The following CTNNAL1 variants were observed in gnomAD, a reference collection of about 807,000 sequenced individuals.
CTNNAL1 encodes the protein alpha-catulin.
Under a neutral mutation model 93.6 loss-of-function variants are expected in CTNNAL1, and 69 were observed. The ratio of observed to expected loss-of-function variants is 0.74; its 90% confidence interval spans 0.61 to 0.90. CTNNAL1 has a LOEUF of 0.90. CTNNAL1 is among the 40% of genes least tolerant of loss of function. The pLI is 0.00. For missense variants in CTNNAL1, 836 were observed against 862.0 expected (o/e 0.97, Z 0.38); for synonymous variants, 286 against 305.4 (o/e 0.94, Z 0.66).
chr9:108,987,748 C>T (rs1226175897), intron 4 of CTNNAL1, among the ~76,000 whole-genome samples: 1 of 152,148 alleles, frequency 6.6e-6, no homozygotes, highest in African/African-American at 2.4e-5. Flanking sequence ...CCTTCACGTC[C>T]CTTGTAGTTG....
In CTNNAL1 at chr9:108,942,815, C is replaced by T. The variant is rs1181333001; in HGVS notation, c.2159G>A (p.Gly720Glu). 6.2e-7 allele frequency: 1 copy of T among 1,613,596 alleles called. No individual in the cohort carries two copies. Among genetic ancestry groups the T allele is most frequent in the Admixed American group, 1.7e-5 (1 of 59,978 alleles). ...LLKKLQMENN[G>E]WVSVTNKDTM... is the part of the protein sequence containing the mutation. ...GTCCTTATTTGTAACTGAGACCCAT[C>T]CGTTATTTTCCATCTGAAGCTGGAA... The change falls in exon 19 of 19, where the codon GGA (glycine) becomes GAA (glutamate). Residue 720 changes from glycine to glutamate, a missense_variant. Transcript: ENST00000325551.
intron 14 of CTNNAL1, among the ~76,000 whole-genome samples, chr9:108,949,169 G>A (rs148318888): frequency 6.2e-4 from 95 of 152,226 alleles, no homozygotes; most frequent in African/African-American, 2.1e-3. Flanking sequence ...CAGGAAAACT[G>A]CTACAAGGTA....
chr9:108,974,543 A>C (rs1376546799), intron 8 of CTNNAL1, among the ~76,000 whole-genome samples: 1 of 152,134 alleles, frequency 6.6e-6, no homozygotes, highest in Non-Finnish European at 1.5e-5. Context: ...ACATCCAAAA[A>C]CCAATTTCAG....
intron 4 of CTNNAL1, among the ~76,000 whole-genome samples, chr9:108,988,238 C>T (rs1442569809): frequency 6.6e-6 from 1 of 152,190 alleles, no homozygotes; most frequent in African/African-American, 2.4e-5. Context: ...CACATGCCAC[C>T]ACACTCAGCT....
chr9:108,979,507 A>G (rs898289015), intron 6 of CTNNAL1, 26 bp from the exon 7 acceptor site: 5 of 1,609,256 alleles, frequency 3.1e-6, no homozygotes, highest in Non-Finnish European at 3.4e-6. Flanking sequence ...ACATCTATCC[A>G]TCCATGTGAG....
chr9:108,950,841 G>C, intron 14 of CTNNAL1: 1 of 394,082 alleles, frequency 2.5e-6, no homozygotes. Flanking sequence ...TATGAGGTAA[G>C]ACTTTGTAAT....
chr9:108,981,760 A>G (rs375327215), intron 6 of CTNNAL1, among the ~76,000 whole-genome samples: 10 of 152,196 alleles, frequency 6.6e-5, no homozygotes, highest in African/African-American at 2.2e-4. Context: ...CCCCATCTCT[A>G]TTAAAAGTAC....
intron 14 of CTNNAL1, among the ~76,000 whole-genome samples, chr9:108,951,311 G>T (rs547833321): frequency 1.3e-5 from 2 of 151,612 alleles, no homozygotes; most frequent in Non-Finnish European, 2.9e-5. Context: ...CACCATGCCC[G>T]GCAGGGGGTG....
intron 16 of CTNNAL1, 33 bp from the exon 17 acceptor site, chr9:108,943,849 G>T (rs372722408): frequency 1.2e-6 from 2 of 1,605,050 alleles, no homozygotes; most frequent in Non-Finnish European, 1.7e-6. Flanking sequence ...ATAACAGCCC[G>T]CAACAAAACT....
chr9:108,992,272 T>C (rs572270132), intron 3 of CTNNAL1, among the ~76,000 whole-genome samples: 1 of 152,260 alleles, frequency 6.6e-6, no homozygotes, highest in South Asian at 2.1e-4. Flanking sequence ...AGCATACCCA[T>C]CATTTAAGAA....
chr9:109,007,059 A>C (rs999527907), intron 1 of CTNNAL1, among the ~76,000 whole-genome samples: 1 of 152,070 alleles, frequency 6.6e-6, no homozygotes, highest in Middle Eastern at 3.2e-3. Flanking sequence ...TCTCTACAAA[A>C]AAACAAACAA....
At position 108,952,233 on chromosome 9, in the gene CTNNAL1, G is replaced by C; in HGVS notation, c.1811C>G (p.Ala604Gly). 1 of 1,613,198 alleles carries C rather than the reference G, an allele frequency of 6.2e-7. No individual in the cohort carries two copies. The highest frequency in any genetic ancestry group is 1.1e-5 in the South Asian group (1 of 90,938). ...VQYGRNMSSM[A>G]YSLYLFTRGE... ...CCTAGTAAATAAATACAGAGAATAG[G>C]CCATACTGGACATGTTCCGTCCATA... Residue 604 changes from alanine to glycine, a missense_variant, in exon 14 of 19, where the codon GCC becomes GGC. Physicochemically the swap from Ala to Gly is moderately conservative, Grantham distance 60. Transcript: ENST00000325551.
intron 1 of CTNNAL1, among the ~76,000 whole-genome samples, chr9:109,002,897 G>A (rs896339502): frequency 6.6e-6 from 1 of 152,060 alleles, no homozygotes; most frequent in African/African-American, 2.4e-5. Flanking sequence ...AGAGGCTGAG[G>A]CAAGAGAATC....
chr9:108,950,578 T>C (rs1830533371), intron 14 of CTNNAL1: 8 of 1,550,174 alleles, frequency 5.2e-6, no homozygotes, highest in Non-Finnish European at 8.7e-7. Context: ...TGGGACTGCA[T>C]CTTCCCCACT....
At chr9:108,987,841 G>C (rs1831664203) in intron 4 of CTNNAL1, among the ~76,000 whole-genome samples, 1 of 152,130 alleles carries the variant, frequency 6.6e-6, no homozygotes, top group South Asian at 2.1e-4. Context: ...TCTGTTATTG[G>C]TGTATAAGAA....
At chr9:108,965,618 C>A in intron 10 of CTNNAL1, 90 bp from the exon 11 acceptor site, 1 of 599,452 alleles carries the variant, frequency 1.7e-6, no homozygotes, top group Non-Finnish European at 2.6e-6. Flanking sequence ...GTCTGCTGTT[C>A]AATTCAACTC....
chr9:109,002,164 C>T (rs2132206690), intron 1 of CTNNAL1, among the ~76,000 whole-genome samples: 1 of 152,270 alleles, frequency 6.6e-6, no homozygotes, highest in Non-Finnish European at 1.5e-5. Flanking sequence ...GTTCTGGAGG[C>T]TGGGAAGTCC....
At chr9:108,951,073 C>T (rs78349875) in intron 14 of CTNNAL1, among the ~76,000 whole-genome samples, 3,918 of 151,812 alleles carry the variant, frequency 0.026, 158 homozygotes, top group African/African-American at 0.09. Context: ...GCAAGTGGCG[C>T]GATCTCAGCT....
chr9:108,966,381 A>C (rs1830953643), intron 10 of CTNNAL1, among the ~76,000 whole-genome samples: 1 of 152,244 alleles, frequency 6.6e-6, no homozygotes, highest in African/African-American at 2.4e-5. Flanking sequence ...ATACATAGGA[A>C]GATTACATTT....
Sources: allele counts gnomAD v4.1 joint callset (sites outside exome capture counted in the v4.1 genomes callset), GRCh38; gene constraint gnomAD v4.1.1; transcripts MANE v1.5; gene names NCBI Gene and HGNC (gene_info 2026-07-23, HGNC 2026-07-21).